GIMAP1: variants seen among roughly 807,000 people sequenced by gnomAD.
GIMAP1 encodes the protein GTPase, IMAP family member 1, also known as GTPase IMAP family member 1.
For missense variants in GIMAP1, 423 were observed against 411.9 expected (o/e 1.03, Z -0.23); for synonymous variants, 230 against 187.7 (o/e 1.23, Z -1.84).
chr7:150,723,490 A>T lies in GIMAP1; in HGVS notation c.*2565A>T, dbSNP rs931394551. 6.6e-6 allele frequency: 1 copy of T among 152,134 alleles called. No homozygotes were observed. Among genetic ancestry groups the T allele is most frequent in the Admixed American group, 6.5e-5 (1 of 15,288 alleles). The allele number at this position is 152,134 out of a possible 1,614,324, so 9.4% of individuals were successfully genotyped here. A position where few individuals can be genotyped will look rare whatever the true frequency, so the allele number is the denominator to read the frequency against. On this transcript the variant is annotated 3_prime_UTR_variant, in exon 3 of 3. Transcript: ENST00000307194. ...AGCACAGGGTCCCCCAAATTACTGT[A>T]TTTCCACCCCTTTCAGCTTATTTTA...
At chr7:150,718,975 ATTTGTGGTTATGCC>A in intron 1 of GIMAP1, 53 bp from the exon 2 acceptor site, 1 of 486,238 alleles carries the variant, frequency 2.1e-6, no homozygotes, top group African/African-American at 2.4e-4. Context: ...GGTTATGCCT[ATTTGTGGTTATGCC>A]TATTTGAGGA....
At position 150,722,986 on chromosome 7, in the gene GIMAP1, C is replaced by T. The variant is rs975346377; in HGVS notation, c.*2061C>T. ...TCAGTGTGGTCTGGAGCCCAATCCCCACCTCCAGAGTCTAGTCCTGCCTCC... is the reference window on the plus strand; with the variant it reads ...TCAGTGTGGTCTGGAGCCCAATCCCTACCTCCAGAGTCTAGTCCTGCCTCC... On this transcript the variant is annotated 3_prime_UTR_variant, in exon 3 of 3. Coordinates refer to ENST00000307194, the MANE Select transcript of GIMAP1 (RefSeq NM_130759.4). 6.6e-5 allele frequency: 10 copies of T among 152,270 alleles called. No homozygotes were observed. Among genetic ancestry groups the T allele is most frequent in the African/African-American group, 2.4e-4 (10 of 41,540 alleles). The allele number at this position is 152,270 out of a possible 1,614,324, so 9.4% of individuals were successfully genotyped here.
In GIMAP1 at chr7:150,722,770, C is replaced by T. The variant is rs1354138326; in HGVS notation, c.*1845C>T. ...CAATCACATTTATACCCACTTTCAA[C>T]TATATGCAAATTTAGGGGTGGATTA... On this transcript the variant is annotated 3_prime_UTR_variant, in exon 3 of 3. Coordinates refer to ENST00000307194, the MANE Select transcript of GIMAP1 (RefSeq NM_130759.4). The T allele has an allele frequency of 1.3e-5, 2 of 152,214 alleles. No homozygotes were observed. The highest frequency in any genetic ancestry group is 2.9e-5 in the Non-Finnish European group (2 of 68,040). The allele number at this position is 152,214 out of a possible 1,614,324, so 9.4% of individuals were successfully genotyped here.
At chr7:150,718,948 C>T in intron 1 of GIMAP1, 94 bp from the exon 2 acceptor site, 4 of 1,530,624 alleles carry the variant, frequency 2.6e-6, no homozygotes, top group Non-Finnish European at 2.7e-6. Context: ...TTGGACTTTG[C>T]CTGACACCCT....
In GIMAP1 at chr7:150,720,396, C is replaced by A. The variant is rs1365373635; in HGVS notation, c.392C>A (p.Ala131Glu). 1 of 1,591,580 alleles carries A rather than the reference C, an allele frequency of 6.3e-7. No homozygotes were observed. Among genetic ancestry groups the A allele is most frequent in the Admixed American group, 1.7e-5 (1 of 58,288 alleles). ...LGRFTAQDQQ[A>E]VRQVRDMFGE... is the part of the protein sequence containing the mutation. ...CGGTTCACCGCCCAGGACCAGCAGG[C>A]GGTGAGGCAGGTGAGGGACATGTTC... The change falls in exon 3 of 3, where the codon GCG becomes GAG. Residue 131 changes from alanine to glutamate, a missense_variant. Physicochemically the swap from Ala to Glu is moderately radical, Grantham distance 107. Coordinates refer to ENST00000307194, the MANE Select transcript of GIMAP1 (RefSeq NM_130759.4). The surrounding 1 kb of genome is among the most constrained non-coding windows in gnomAD (Gnocchi z 4.5).
At position 150,720,607 on chromosome 7, in the gene GIMAP1, G is replaced by T. The variant is rs1273841994; in HGVS notation, c.603G>T (p.Val201=). The T allele has an allele frequency of 6.2e-6, 10 of 1,613,606 alleles. No individual in the cohort carries two copies. In the Admixed American group the frequency reaches 1.3e-4, roughly 22 times the overall value. ...RATGREQEAQ[V]EQLLGMVEGL... ...CCGGCCGGGAGCAGGAAGCCCAGGT[G>T]GAGCAGCTGCTGGGGATGGTCGAGG... Residue 201 remains valine, a synonymous_variant, in exon 3 of 3, where the codon GTG becomes GTT. Transcript: ENST00000307194. The surrounding 1 kb of genome is among the most constrained non-coding windows in gnomAD (Gnocchi z 4.5).
rs946514571 is a variant in GIMAP1, at chr7:150,720,335, G to A, written c.331G>A (p.Gly111Arg). 1.2e-6 allele frequency: 2 copies of A among 1,613,606 alleles called. No individual in the cohort carries two copies. The highest frequency in any genetic ancestry group is 1.7e-6 in the Non-Finnish European group (2 of 1,179,720). The change falls in exon 3 of 3, where the codon GGA becomes AGA. Residue 111 changes from glycine (G) to arginine (R), a missense_variant. Gly to Arg is a moderately radical substitution (Grantham distance 125). Transcript: ENST00000307194. This position sits in a 1 kb window ranked among gnomAD's most constrained non-coding sequence, Gnocchi z 4.5. ...RGHCYLLSAP[G>R]PHALLLVTQL... Reference sequence around the variant, plus strand: ...TCACTGCTACCTGCTCTCGGCCCCCGGACCCCACGCGCTGCTCCTGGTGAC... The same window carrying A: ...TCACTGCTACCTGCTCTCGGCCCCCAGACCCCACGCGCTGCTCCTGGTGAC...
Position 150,720,498 on chromosome 7 carries a change from A to T in GIMAP1, c.494A>T (p.Tyr165Phe). 1 of 1,585,690 alleles carries T rather than the reference A, an allele frequency of 6.3e-7. No homozygotes were observed. The highest frequency in any genetic ancestry group is 8.6e-7 in the Non-Finnish European group (1 of 1,165,626). ...EDLAGGSLHD[Y>F]VSNTENRALR... ...CTGGCCGGGGGCTCCCTGCACGATT[A>T]CGTGAGCAACACAGAGAACCGGGCC... The change falls in exon 3 of 3, where the codon TAC becomes TTC. Residue 165 changes from tyrosine to phenylalanine, a missense_variant. Tyr to Phe is a conservative substitution (Grantham distance 22, BLOSUM62 3). Transcript: ENST00000307194. This position sits in a 1 kb window ranked among gnomAD's most constrained non-coding sequence, Gnocchi z 4.5.
In GIMAP1 at chr7:150,722,259, G is replaced by A. The variant is rs991590124; in HGVS notation, c.*1334G>A. 2 of 152,382 alleles carry A rather than the reference G, an allele frequency of 1.3e-5. No homozygotes were observed. Among genetic ancestry groups the A allele is most frequent in the South Asian group, 4.1e-4 (2 of 4,832 alleles). The allele number at this position is 152,382 out of a possible 1,614,324, so 9.4% of individuals were successfully genotyped here. A position where few individuals can be genotyped will look rare whatever the true frequency, so the allele number is the denominator to read the frequency against. ...TAGCTCTATTCAAGAGGAAGAGGAGGAGGGAGTGTGCGCAGGCGCCCTAGG... is the reference window on the plus strand; with the variant it reads ...TAGCTCTATTCAAGAGGAAGAGGAGAAGGGAGTGTGCGCAGGCGCCCTAGG... On this transcript the variant is annotated 3_prime_UTR_variant, in exon 3 of 3. Transcript: ENST00000307194.
Position 150,723,835 on chromosome 7 carries a change from T to G in GIMAP1, c.*2910T>G, listed in dbSNP as rs576020458. The G allele has an allele frequency of 6.6e-6, 1 of 152,204 alleles. No individual in the cohort carries two copies. The highest frequency in any genetic ancestry group is 1.5e-5 in the Non-Finnish European group (1 of 68,044). 9.4% of individuals were successfully genotyped at this position (152,204 alleles called of 1,614,324 possible). A position where few individuals can be genotyped will look rare whatever the true frequency, so the allele number is the denominator to read the frequency against. On this transcript the variant is annotated 3_prime_UTR_variant, in exon 3 of 3. Coordinates refer to ENST00000307194, the MANE Select transcript of GIMAP1 (RefSeq NM_130759.4). The stretch of plus-strand genomic sequence containing the variant: ...CCTTCCTCTCCTCTCCTTTTATCTC[T>G]TGGAAGATAAAAATGTATGGGTCCT...
In GIMAP1 at chr7:150,721,311, T is replaced by C. The variant is rs1797299741; in HGVS notation, c.*386T>C. 1 of 166,766 alleles carries C rather than the reference T, an allele frequency of 6.0e-6. No homozygotes were observed. The highest frequency in any genetic ancestry group is 1.3e-5 in the Non-Finnish European group (1 of 78,592). 10.3% of individuals were successfully genotyped at this position (166,766 alleles called of 1,614,324 possible). A position where few individuals can be genotyped will look rare whatever the true frequency, so the allele number is the denominator to read the frequency against. ...TTGATAATTTTCTAGTTCTTATACATGGGTAGATAGGTTCCTTTGTGATCC... is the reference window on the plus strand; with the variant it reads ...TTGATAATTTTCTAGTTCTTATACACGGGTAGATAGGTTCCTTTGTGATCC... On this transcript the variant is annotated 3_prime_UTR_variant, in exon 3 of 3. Coordinates refer to ENST00000307194, the MANE Select transcript of GIMAP1 (RefSeq NM_130759.4).
At position 150,719,089 on chromosome 7, in the gene GIMAP1, T is replaced by C. The variant is rs1429998618; in HGVS notation, c.42T>C (p.Tyr14=). The C allele has an allele frequency of 1.9e-6, 3 of 1,614,204 alleles. No homozygotes were observed. The highest frequency in any genetic ancestry group is 2.2e-5 in the South Asian group (2 of 91,088). ...RKMATDEENV[Y]GLEENAQSRQ... is the part of the protein sequence containing the mutation. ...TGGCGACAGATGAAGAAAATGTCTA[T>C]GGTAAGACCATATCTCTACACCTCA... is the stretch of plus-strand genomic sequence containing the variant. Residue 14 remains tyrosine (Y), a splice_region_variant and synonymous_variant, in exon 2 of 3, where the codon TAT becomes TAC. Transcript: ENST00000307194.
At position 150,721,036 on chromosome 7, in the gene GIMAP1, T is replaced by G; in HGVS notation, c.*111T>G. The G allele has an allele frequency of 9.3e-7, 1 of 1,072,026 alleles. No individual in the cohort carries two copies. The highest frequency in any genetic ancestry group is 2.9e-5 in the East Asian group (1 of 34,088). 66.4% of individuals were successfully genotyped at this position (1,072,026 alleles called of 1,614,324 possible). On this transcript the variant is annotated 3_prime_UTR_variant, in exon 3 of 3. Transcript: ENST00000307194. ...GAATCCTGTAGTTTCAGGCATAGTTTTAATGACACAGAAAACTTTGCTGCA... is the reference window on the plus strand; with the variant it reads ...GAATCCTGTAGTTTCAGGCATAGTTGTAATGACACAGAAAACTTTGCTGCA...
chr7:150,721,066 C>A lies in GIMAP1; in HGVS notation c.*141C>A. On this transcript the variant is annotated 3_prime_UTR_variant, in exon 3 of 3. Coordinates refer to ENST00000307194, the MANE Select transcript of GIMAP1 (RefSeq NM_130759.4). ...GACACAGAAAACTTTGCTGCATCAC[C>A]TTTGCAACTTTGCCAAAGCTCAGAG... 1 of 701,138 alleles carries A rather than the reference C, an allele frequency of 1.4e-6. No individual in the cohort carries two copies. The highest frequency in any genetic ancestry group is 2.1e-6 in the Non-Finnish European group (1 of 466,412). The allele number at this position is 701,138 out of a possible 1,614,324, so 43.4% of individuals were successfully genotyped here.
At position 150,720,788 on chromosome 7, in the gene GIMAP1, G is replaced by C; in HGVS notation, c.784G>C (p.Ala262Pro). 1 of 1,581,756 alleles carries C rather than the reference G, an allele frequency of 6.3e-7. No homozygotes were observed. Among genetic ancestry groups the C allele is most frequent in the African/African-American group, 1.3e-5 (1 of 74,438 alleles). ...GAGGCCATGGGGCGCCTGGCTGTCG[G>C]CCCGGCTGTGGAAGTGGCTGAAGTC... ...QRRPWGAWLSARLWKWLKSPR... is the reference protein window; with the variant it reads ...QRRPWGAWLSPRLWKWLKSPR... The change falls in exon 3 of 3, where the codon GCC becomes CCC. Residue 262 changes from alanine (A) to proline (P), a missense_variant. Physicochemically the swap from Ala to Pro is conservative, Grantham distance 27 (BLOSUM62 -1). Coordinates refer to ENST00000307194, the MANE Select transcript of GIMAP1 (RefSeq NM_130759.4). This position sits in a 1 kb window ranked among gnomAD's most constrained non-coding sequence, Gnocchi z 4.5.
chr7:150,720,985 A>G lies in GIMAP1; in HGVS notation c.*60A>G. 7.1e-7 allele frequency: 1 copy of G among 1,399,528 alleles called. No homozygotes were observed. The highest frequency in any genetic ancestry group is 9.4e-7 in the Non-Finnish European group (1 of 1,063,082). 86.7% of individuals were successfully genotyped at this position (1,399,528 alleles called of 1,614,324 possible). On this transcript the variant is annotated 3_prime_UTR_variant, in exon 3 of 3. Coordinates refer to ENST00000307194, the MANE Select transcript of GIMAP1 (RefSeq NM_130759.4). The surrounding 1 kb of genome is among the most constrained non-coding windows in gnomAD (Gnocchi z 4.5). The stretch of plus-strand genomic sequence containing the variant: ...AAGGGAGGCTGAATTCTTGGAGCTG[A>G]AGGGAAAACTTCATTCCAACGGAAG...
chr7:150,720,755 G>A lies in GIMAP1; in HGVS notation c.751G>A (p.Val251Met), dbSNP rs1178011618. ...RRVAERVAAR[V>M]QRRPWGAWLS... ...GGTGGCGGAGCGCGTGGCAGCCAGG[G>A]TGCAGAGGAGGCCATGGGGCGCCTG... Residue 251 changes from valine to methionine, a missense_variant, in exon 3 of 3, where the codon GTG becomes ATG. Transcript: ENST00000307194. This position sits in a 1 kb window ranked among gnomAD's most constrained non-coding sequence, Gnocchi z 4.5. 1.9e-6 allele frequency: 3 copies of A among 1,568,914 alleles called. No individual in the cohort carries two copies. The highest frequency in any genetic ancestry group is 1.2e-5 in the South Asian group (1 of 86,538).
rs1797270732 is a variant in GIMAP1 at position 150,719,934 on chromosome 7, C to T, written c.44-114C>T. On this transcript the variant is annotated intron_variant, in intron 2 of 2. Coordinates refer to ENST00000307194, the MANE Select transcript of GIMAP1 (RefSeq NM_130759.4). ...TACAAAAGGAAAAGGTGGAAATGAA[C>T]GCCCAGGCGTTCAAATCTCTATTCT... 5 of 1,382,044 alleles carry T rather than the reference C, an allele frequency of 3.6e-6. No homozygotes were observed. In the Admixed American group the frequency reaches 7.1e-5, roughly 20 times the overall value. 85.6% of individuals were successfully genotyped at this position (1,382,044 alleles called of 1,614,324 possible).
In GIMAP1 at chr7:150,720,688, G is replaced by A. The variant is rs1202671941; in HGVS notation, c.684G>A (p.Ala228=). 1.3e-6 allele frequency: 2 copies of A among 1,592,224 alleles called. No individual in the cohort carries two copies. Among genetic ancestry groups the A allele is most frequent in the Non-Finnish European group, 1.7e-6 (2 of 1,169,238 alleles). Residue 228 remains alanine (A), a synonymous_variant, in exon 3 of 3, where the codon GCG becomes GCA. Coordinates refer to ENST00000307194, the MANE Select transcript of GIMAP1 (RefSeq NM_130759.4). This position sits in a 1 kb window ranked among gnomAD's most constrained non-coding sequence, Gnocchi z 4.5. ...ACTCCAACGAGGTGTATGAGCTGGCGCAGGTGCTGCGCTGGGCAGGCCCTG... is the reference window on the plus strand; with the variant it reads ...ACTCCAACGAGGTGTATGAGCTGGCACAGGTGCTGCGCTGGGCAGGCCCTG... ...AHYSNEVYEL[A]QVLRWAGPEE...
Sources: allele counts gnomAD v4.1 joint callset, GRCh38; gene constraint gnomAD v4.1.1; non-coding constraint Gnocchi (gnomAD v3.1); transcripts MANE v1.5; gene names NCBI Gene and HGNC (gene_info 2026-07-23, HGNC 2026-07-21).